The following MGAT5B variants were observed in gnomAD, a reference collection of about 807,000 sequenced individuals.
MGAT5B encodes the protein alpha-1,6-mannosylglycoprotein 6-beta-N-acetylglucosaminyltransferase B, also known as N-acetylglucosaminyl-transferase Vb.
A neutral mutation model predicts 95.1 loss-of-function variants in MGAT5B; 54 were observed. The observed-to-expected ratio is 0.57, with a 90% CI of 0.46 to 0.71. The LOEUF (loss-of-function observed/expected upper bound fraction) is 0.71. Among genes scored for constraint, MGAT5B ranks in the 30% least tolerant of loss-of-function variants. MGAT5B has a pLI of 0.00. For missense variants in MGAT5B, 935 were observed against 1,088.6 expected, an observed-to-expected ratio of 0.86 and a Z score of 1.99; for synonymous variants, 464 against 451.0, an observed-to-expected ratio of 1.03 and a Z score of -0.36.
chr17:76,897,115 C>T (rs1376973388), intron 3 of MGAT5B, among the ~76,000 whole-genome samples: 4 of 152,140 alleles, frequency 2.6e-5, no homozygotes, highest in Admixed American at 2.6e-4. Flanking sequence ...TAGGGTATCA[C>T]TCTGTTGCTC....
Position 76,905,415 on chromosome 17 carries a change from C to T in MGAT5B, c.855+82C>T, listed in dbSNP as rs373780447. On this transcript the variant is annotated intron_variant, in intron 7 of 17. Transcript: ENST00000569840. This position sits in a 1 kb window ranked among gnomAD's most constrained non-coding sequence, Gnocchi z 4.2. ...TCTGAGTGGGCATGGAATAGGTCTT[C>T]AAACAAGCTGTAGTGGGCTTCTGAA... 2.8e-5 allele frequency: 35 copies of T among 1,255,372 alleles called. No homozygotes were observed. In the East Asian group the frequency reaches 5.1e-4, roughly 18 times the overall value. 77.8% of individuals were successfully genotyped at this position (1,255,372 alleles called of 1,614,324 possible). A position where few individuals can be genotyped will look rare whatever the true frequency, so the allele number is the denominator to read the frequency against.
In MGAT5B at chr17:76,938,963, G is replaced by A. The variant is rs897153101; in HGVS notation, c.1584+820G>A. Among the ~76,000 whole-genome samples, 18 of 151,620 alleles carry A rather than the reference G, an allele frequency of 1.2e-4. No individual in the cohort carries two copies. The highest frequency in any genetic ancestry group is 4.1e-4 in the African/African-American group (17 of 41,258). On this transcript the variant is annotated intron_variant, in intron 13 of 17. Transcript: ENST00000569840. The surrounding 1 kb of genome is among the most constrained non-coding windows in gnomAD (Gnocchi z 4.3). ...CAAAGTGCTGGGATTACAGATGTGA[G>A]CCACTGCACCTGGCCCCAGGCCCTC...
chr17:76,943,845 C>G (rs1056710565), intron 15 of MGAT5B: 6 of 152,088 alleles, frequency 3.9e-5, no homozygotes. Context: ...GTCATGTGGC[C>G]TTTTACAGGG....
intron 3 of MGAT5B, among the ~76,000 whole-genome samples, chr17:76,888,926 C>A (rs1223860376): frequency 1.3e-5 from 2 of 152,194 alleles, no homozygotes; most frequent in Non-Finnish European, 2.9e-5. Flanking sequence ...CGGCCTGTGG[C>A]CTGCAGTGTT....
chr17:76,916,563 G>A lies in MGAT5B; in HGVS notation c.1026-8403G>A, dbSNP rs1413333134. On this transcript the variant is annotated intron_variant, in intron 8 of 17. Transcript: ENST00000569840. This position sits in a 1 kb window ranked among gnomAD's most constrained non-coding sequence, Gnocchi z 5.3. Reference sequence around the variant, plus strand: ...GTAACCCCAGCACTTTGGGAGGCTGGGATTACAGGCAGATCCCTTGAGTCT... The same window carrying A: ...GTAACCCCAGCACTTTGGGAGGCTGAGATTACAGGCAGATCCCTTGAGTCT... Among the ~76,000 whole-genome samples, 2 of 152,168 alleles carry A rather than the reference G, an allele frequency of 1.3e-5. No individual in the cohort carries two copies. Among genetic ancestry groups the A allele is most frequent in the African/African-American group, 4.8e-5 (2 of 41,444 alleles).
In MGAT5B at chr17:76,910,397, A is replaced by G. The variant is rs567094920; in HGVS notation, c.1025+4210A>G. Among the ~76,000 whole-genome samples, 3 of 152,368 alleles carry G rather than the reference A, an allele frequency of 2.0e-5. No individual in the cohort carries two copies. The East Asian group carries it at 5.8e-4, about 29-fold the overall frequency. On this transcript the variant is annotated intron_variant, in intron 8 of 17. Transcript: ENST00000569840. ...ATTATGAAAAGAGGTGTATACACTC[A>G]TGCAGCCTCCACATGCACCCATGCA...
chr17:76,876,582 G>C lies in MGAT5B; in HGVS notation c.181+3619G>C, dbSNP rs140186960. ...GTCCCACATGGACTGTGGCTGCGAA[G>C]GGAGAGGGAGGAGAAGGCTTTTCTC... On this transcript the variant is annotated intron_variant, in intron 2 of 17. Transcript: ENST00000569840. Among the ~76,000 whole-genome samples, 496 of 152,316 alleles carry C rather than the reference G, an allele frequency of 3.3e-3. 2 individuals carry two copies. Among genetic ancestry groups the C allele is most frequent in the Middle Eastern group, 0.014 (4 of 294 alleles).
chr17:76,906,202 A>T lies in MGAT5B; in HGVS notation c.1025+15A>T, dbSNP rs372866395. On this transcript the variant is annotated intron_variant, in intron 8 of 17. Transcript: ENST00000569840. This position sits in a 1 kb window ranked among gnomAD's most constrained non-coding sequence, Gnocchi z 4.6. ...GAGCTGCAGAGGTGAGTGCTGGGGAAAGCCACTGGCATTAAGTGGGGCAGG... is the reference window on the plus strand; with the variant it reads ...GAGCTGCAGAGGTGAGTGCTGGGGATAGCCACTGGCATTAAGTGGGGCAGG... 8 of 1,585,410 alleles carry T rather than the reference A, an allele frequency of 5.0e-6. No individual in the cohort carries two copies. The African/African-American group carries it at 8.3e-5, about 16-fold the overall frequency.
intron 5 of MGAT5B, among the ~76,000 whole-genome samples, chr17:76,903,606 G>A (rs1183904728): frequency 6.6e-6 from 1 of 152,196 alleles, no homozygotes; most frequent in Non-Finnish European, 1.5e-5. Flanking sequence ...GCCAGCAGCC[G>A]GATTCCCCCA....
At chr17:76,882,677 G>A in intron 3 of MGAT5B, 1 of 162,166 alleles carries the variant, frequency 6.2e-6, no homozygotes, top group Non-Finnish European at 1.3e-5. Flanking sequence ...CATGTAAGTG[G>A]CATCTCACAG....
At chr17:76,900,942 TGTGA>T (rs527462427) in intron 3 of MGAT5B, among the ~76,000 whole-genome samples, 64 of 140,942 alleles carry the variant, frequency 4.5e-4, no homozygotes, top group Admixed American at 9.5e-4. Flanking sequence ...CGTGTTTGTG[TGTGA>T]GTGTGTGCGT....
chr17:76,927,515 C>T (rs1412344257), intron 10 of MGAT5B, among the ~76,000 whole-genome samples: 2 of 152,226 alleles, frequency 1.3e-5, no homozygotes, highest in Non-Finnish European at 2.9e-5. Flanking sequence ...GCTGGGATTA[C>T]AGGTGCAAGC....
intron 8 of MGAT5B, chr17:76,923,984 A>G (rs1353498362): frequency 6.6e-6 from 1 of 152,166 alleles, no homozygotes; most frequent in Non-Finnish European, 1.5e-5. Context: ...TAACTGAATG[A>G]ATAAGTGACC....
At position 76,948,117 on chromosome 17, in the gene MGAT5B, C is replaced by G. The variant is rs200270920; in HGVS notation, c.2180+31C>G. ...TGTTCCCCCACCCTCCCCACCCAGC[C>G]GCTATCATCGCTGGCCCAGCCGGGT... On this transcript the variant is annotated intron_variant, in intron 17 of 17. Transcript: ENST00000569840. The G allele has an allele frequency of 3.2e-6, 5 of 1,548,790 alleles. No homozygotes were observed. The African/African-American group carries it at 6.8e-5, about 21-fold the overall frequency.
At chr17:76,880,240 T>C (rs530390192) in intron 2 of MGAT5B, among the ~76,000 whole-genome samples, 52 of 152,174 alleles carry the variant, frequency 3.4e-4, no homozygotes, top group African/African-American at 1.1e-3. Flanking sequence ...CCAGGAGCCC[T>C]GTGTCTTTAA....
intron 9 of MGAT5B, among the ~76,000 whole-genome samples, chr17:76,925,700 T>C (rs564880613): frequency 6.6e-6 from 1 of 152,318 alleles, no homozygotes; most frequent in South Asian, 2.1e-4. Flanking sequence ...GAGTTCTCTA[T>C]GCACTCGGCT....
At chr17:76,939,029 GGT>G (rs372571720) in intron 13 of MGAT5B, among the ~76,000 whole-genome samples, 20,732 of 127,734 alleles carry the variant, frequency 0.16, 1,486 homozygotes, top group Non-Finnish European at 0.18. Flanking sequence ...GCATCTTGGG[GGT>G]GTGTGTGTGT....
intron 12 of MGAT5B, among the ~76,000 whole-genome samples, chr17:76,935,605 CTTT>C (rs61424892): frequency 1.8e-5 from 2 of 113,372 alleles, no homozygotes; most frequent in Non-Finnish European, 1.8e-5. Context: ...TTCCATATAT[CTTT>C]TTTTTTTTTT....
Position 76,869,814 on chromosome 17 carries a change from T to TGGG in MGAT5B, c.68+720_68+722dup, listed in dbSNP as rs1227913230. ...CGACACGCTTCGGGCGGCCAACACC[T>TGGG]GGGGGCCCAGGCCAGGCAGGGCTGG... On this transcript the variant is annotated intron_variant, in intron 1 of 17. Coordinates refer to ENST00000569840, the MANE Select transcript of MGAT5B (RefSeq NM_001199172.2). The surrounding 1 kb of genome is among the most constrained non-coding windows in gnomAD (Gnocchi z 7.0). Among the ~76,000 whole-genome samples the TGGG allele has an allele frequency of 1.3e-5, 2 of 151,974 alleles. No individual in the cohort carries two copies. Among genetic ancestry groups the TGGG allele is most frequent in the African/African-American group, 2.4e-5 (1 of 41,396 alleles).
Sources: gnomAD v4.1 joint callset for allele counts (sites outside exome capture counted in the v4.1 genomes callset) on GRCh38, gnomAD v4.1.1 for gene constraint, Gnocchi (gnomAD v3.1) non-coding constraint, MANE v1.5 for transcripts, NCBI Gene and HGNC (gene_info 2026-07-23, HGNC 2026-07-21) for gene names.